Variants in EMID1 observed in about 807,000 individuals in gnomAD.
The protein encoded by EMID1 is EMI domain-containing protein 1.
EMID1 carries 40 observed loss-of-function variants against 60.6 expected under a neutral mutation model. The ratio of observed to expected loss-of-function variants is 0.66; its 90% CI spans 0.51 to 0.86. The LOEUF (loss-of-function observed/expected upper bound fraction) is 0.86. EMID1 is among the 40% of genes least tolerant of loss of function. The probability of loss-of-function intolerance (pLI) is 0.00; values close to 1 mark genes in which losing one functional copy is unlikely to be tolerated. For missense variants in EMID1, 585 were observed against 597.1 expected (o/e 0.98, Z 0.21); for synonymous variants, 242 against 231.0 (o/e 1.05, Z -0.43).
In EMID1 at chr22:29,258,858, AC is replaced by A. The variant is rs778149597; in HGVS notation, c.1251del (p.Ser418AlafsTer33). ...GSGAGPAGTG[T>X]PSLLRGKRGG... Reference sequence around the variant, plus strand: ...TGGGGCGGGCCCTGCCGGCACAGGCACCCCCAGCCTCCTTCGGGGCAAGAGG... The same window carrying A: ...TGGGGCGGGCCCTGCCGGCACAGGCACCCCAGCCTCCTTCGGGGCAAGAGG... On this transcript the variant is annotated frameshift_variant, in exon 15 of 15. Transcript: ENST00000334018. LOFTEE classifies it high-confidence loss of function. The A allele has an allele frequency of 2.5e-6, 4 of 1,612,642 alleles. No homozygotes were observed. The highest frequency in any genetic ancestry group is 2.2e-5 in the South Asian group (2 of 91,032).
chr22:29,253,207 G>A (rs1429446367), intron 13 of EMID1, among the ~76,000 whole-genome samples: 4 of 152,340 alleles, frequency 2.6e-5, no homozygotes, highest in African/African-American at 4.8e-5. Context: ...CACTTTGGAA[G>A]GCTGAGACAG....
intron 13 of EMID1, among the ~76,000 whole-genome samples, chr22:29,246,855 G>A (rs1201326398): frequency 6.6e-6 from 1 of 152,248 alleles, no homozygotes; most frequent in East Asian, 1.9e-4. Flanking sequence ...AACTCACAAT[G>A]TGTCCCAGGC....
chr22:29,228,659 G>A (rs1188200729), intron 5 of EMID1, among the ~76,000 whole-genome samples: 1 of 152,200 alleles, frequency 6.6e-6, no homozygotes. Flanking sequence ...TCTGCCGTGA[G>A]TTGGAGCTCA....
chr22:29,244,896 G>A (rs1227347253), intron 13 of EMID1, among the ~76,000 whole-genome samples: 2 of 152,126 alleles, frequency 1.3e-5, no homozygotes, highest in Non-Finnish European at 2.9e-5. Flanking sequence ...CAACTAGGAA[G>A]CTCTTTTTGG....
chr22:29,237,185 T>G (rs1314616827), intron 12 of EMID1, among the ~76,000 whole-genome samples: 5 of 145,278 alleles, frequency 3.4e-5, no homozygotes, highest in Non-Finnish European at 7.4e-5. Context: ...ATTTATTTAC[T>G]TACTTATTTT....
At position 29,232,407 on chromosome 22, in the gene EMID1, G is replaced by A. The variant is rs1244514384; in HGVS notation, c.823+5G>A. The A allele has an allele frequency of 1.3e-6, 2 of 1,562,970 alleles. No individual in the cohort carries two copies. Among genetic ancestry groups the A allele is most frequent in the Non-Finnish European group, 1.7e-6 (2 of 1,157,130 alleles). On this transcript the variant is annotated splice_donor_5th_base_variant and intron_variant, in intron 8 of 14. Transcript: ENST00000334018. The stretch of plus-strand genomic sequence containing the variant: ...ATGCCCGGATCTCCCAGCATGGTGA[G>A]TCCCCCTGGGATCCCAGCAGGTGGA...
intron 13 of EMID1, among the ~76,000 whole-genome samples, chr22:29,250,624 T>C (rs1602052017): frequency 6.6e-6 from 1 of 151,264 alleles, no homozygotes; most frequent in East Asian, 1.9e-4. Context: ...TGGAGTGCAA[T>C]GGCATGAACT....
At chr22:29,223,704 C>T (rs1307745390) in intron 3 of EMID1, among the ~76,000 whole-genome samples, 2 of 152,262 alleles carry the variant, frequency 1.3e-5, no homozygotes, top group Non-Finnish European at 2.9e-5. Flanking sequence ...GCTTCATTCT[C>T]TCATCCACCT....
At chr22:29,210,957 A>AGT (rs142157348) in intron 1 of EMID1, among the ~76,000 whole-genome samples, 11,613 of 151,758 alleles carry the variant, frequency 0.077, 551 homozygotes, top group Admixed American at 0.12. Context: ...ACATGTGAGA[A>AGT]GTGTGTGTGT....
rs538954133 is a variant in EMID1 at position 29,254,027 on chromosome 22, G to C, written c.1120-176G>C. The C allele has an allele frequency of 2.2e-4, 217 of 985,442 alleles. 2 individuals are homozygous for C. The South Asian group carries it at 8.8e-3, about 40-fold the overall frequency. 61.0% of individuals were successfully genotyped at this position (985,442 alleles called of 1,614,324 possible). A position where few individuals can be genotyped will look rare whatever the true frequency, so the allele number is the denominator to read the frequency against. On this transcript the variant is annotated intron_variant, in intron 13 of 14. Coordinates refer to ENST00000334018, the MANE Select transcript of EMID1 (RefSeq NM_133455.4). Reference sequence around the variant, plus strand: ...GGGGTTGCTTCCTTCCGTCTGCCTTGTTGTCCCCCTCCTGTCCTCACCTGG... The same window carrying C: ...GGGGTTGCTTCCTTCCGTCTGCCTTCTTGTCCCCCTCCTGTCCTCACCTGG...
intron 13 of EMID1, among the ~76,000 whole-genome samples, chr22:29,244,695 T>C (rs1277370186): frequency 6.6e-6 from 1 of 150,870 alleles, no homozygotes; most frequent in Admixed American, 6.6e-5. Context: ...TTGAAAATCA[T>C]TGCAGGGGAG....
In EMID1 at chr22:29,259,127, G is replaced by C; in HGVS notation, c.*183G>C. On this transcript the variant is annotated 3_prime_UTR_variant, in exon 15 of 15. Transcript: ENST00000334018. ...CATGCACATGTCTGAGGCTGAGCAA[G>C]GGCTGAGAGGAGAGGCTTGGGCCTC... 1 of 933,672 alleles carries C rather than the reference G, an allele frequency of 1.1e-6. No individual in the cohort carries two copies. Among genetic ancestry groups the C allele is most frequent in the Non-Finnish European group, 1.5e-6 (1 of 652,930 alleles). 57.8% of individuals were successfully genotyped at this position (933,672 alleles called of 1,614,324 possible). A position where few individuals can be genotyped will look rare whatever the true frequency, so the allele number is the denominator to read the frequency against.
At chr22:29,250,540 C>T (rs1291318186) in intron 13 of EMID1, among the ~76,000 whole-genome samples, 2 of 150,348 alleles carry the variant, frequency 1.3e-5, no homozygotes, top group African/African-American at 4.9e-5. Flanking sequence ...CCAGGAATGG[C>T]TTCATGGAAT....
intron 13 of EMID1, among the ~76,000 whole-genome samples, chr22:29,247,812 G>A (rs59168121): frequency 0.015 from 2,290 of 151,962 alleles, 74 homozygotes; most frequent in African/African-American, 0.053. Flanking sequence ...TGTATTTTTA[G>A]TAGAGACGGG....
At position 29,231,885 on chromosome 22, in the gene EMID1, C is replaced by T. The variant is rs140703623; in HGVS notation, c.676+203C>T. 3.2e-3 allele frequency: 1,836 copies of T among 571,410 alleles called. 17 individuals carry two copies. The highest frequency in any genetic ancestry group is 2.6e-3 in the Non-Finnish European group (867 of 331,282). 35.4% of individuals were successfully genotyped at this position (571,410 alleles called of 1,614,324 possible). On this transcript the variant is annotated intron_variant, in intron 7 of 14. Transcript: ENST00000334018. ...TGTTCACTGACCCACATTCCCTGGGCACCTACACTTATCAGGCTCTGAGCT... is the reference window on the plus strand; with the variant it reads ...TGTTCACTGACCCACATTCCCTGGGTACCTACACTTATCAGGCTCTGAGCT...
intron 13 of EMID1, among the ~76,000 whole-genome samples, chr22:29,247,226 C>T (rs914968182): frequency 2.0e-5 from 3 of 152,196 alleles, no homozygotes; most frequent in African/African-American, 7.2e-5. Flanking sequence ...CCGCCTCAGC[C>T]TCCCAAAGTG....
At chr22:29,241,769 A>G (rs973805144) in intron 12 of EMID1, among the ~76,000 whole-genome samples, 2 of 146,718 alleles carry the variant, frequency 1.4e-5, no homozygotes, top group Non-Finnish European at 3.0e-5. Context: ...TTTGAAAAAA[A>G]AAAAGGTCAA....
Position 29,234,295 on chromosome 22 carries a change from T to C in EMID1, c.1030-10T>C, listed in dbSNP as rs760839539. On this transcript the variant is annotated splice_polypyrimidine_tract_variant and intron_variant, in intron 11 of 14. Coordinates refer to ENST00000334018, the MANE Select transcript of EMID1 (RefSeq NM_133455.4). Reference sequence around the variant, plus strand: ...CAGCTGACGCCATTCGTCTCCTCCCTCTTACACAGGGACTGCGTGGGGAGC... The same window carrying C: ...CAGCTGACGCCATTCGTCTCCTCCCCCTTACACAGGGACTGCGTGGGGAGC... 3.0e-5 allele frequency: 49 copies of C among 1,613,766 alleles called. No homozygotes were observed. Among genetic ancestry groups the C allele is most frequent in the Non-Finnish European group, 4.1e-5 (48 of 1,179,838 alleles).
intron 13 of EMID1, among the ~76,000 whole-genome samples, chr22:29,244,333 G>A (rs1049151859): frequency 1.3e-5 from 2 of 152,152 alleles, no homozygotes; most frequent in African/African-American, 4.8e-5. Context: ...GCTCCTACCT[G>A]TAATCCCAGC....
Sources: allele counts gnomAD v4.1 joint callset (sites outside exome capture counted in the v4.1 genomes callset), GRCh38; gene constraint gnomAD v4.1.1; transcripts MANE v1.5; gene names NCBI Gene and HGNC (gene_info 2026-07-23, HGNC 2026-07-21).